NOA1: variants seen among roughly 807,000 people sequenced by gnomAD.
NOA1 encodes nitric oxide associated 1, also known as nitric oxide-associated protein 1.
In NOA1, 35 loss-of-function variants were observed where a neutral mutation model predicts 58.4. That is an observed-to-expected ratio of 0.60 (90% CI 0.46 to 0.79). The LOEUF (loss-of-function observed/expected upper bound fraction) is 0.79, where lower values mean the gene tolerates loss of function less well. Among genes scored for constraint, NOA1 ranks in the 30% least tolerant of loss-of-function variants. The pLI is 0.00. For synonymous variants in NOA1, 397 were observed against 373.4 expected (o/e 1.06, Z -0.73); for missense variants, 895 against 894.6 (o/e 1.00, Z -0.01).
At chr4:56,965,898 A>G (rs1721695230) in intron 5 of NOA1, among the ~76,000 whole-genome samples, 1 of 145,516 alleles carries the variant, frequency 6.9e-6, no homozygotes, top group Middle Eastern at 3.6e-3. Flanking sequence ...GTGCAGTGGC[A>G]TAATCATGGC....
chr4:56,976,242 T>G (rs1019716368), intron 1 of NOA1, among the ~76,000 whole-genome samples, 200 bp downstream of exon 1: 11 of 152,088 alleles, frequency 7.2e-5, no homozygotes, highest in African/African-American at 2.7e-4. Context: ...CCATTGAAAA[T>G]TACTACAACA....
In NOA1 at chr4:56,966,747, GA is replaced by G; in HGVS notation, c.1648-12del. 2 of 1,567,130 alleles carry G rather than the reference GA, an allele frequency of 1.3e-6. No homozygotes were observed. Among genetic ancestry groups the G allele is most frequent in the Non-Finnish European group, 1.8e-6 (2 of 1,138,248 alleles). ...AGCTGACTGATTTCCCTTAAGAAAGGAAGAAGTTATCTGACCTGGTGAAAAA... is the reference window on the plus strand; with the variant it reads ...AGCTGACTGATTTCCCTTAAGAAAGGAGAAGTTATCTGACCTGGTGAAAAA... On this transcript the variant is annotated splice_polypyrimidine_tract_variant and intron_variant, in intron 4 of 6. Coordinates refer to ENST00000264230, the MANE Select transcript of NOA1 (RefSeq NM_032313.4).
Position 56,963,511 on chromosome 4 carries a change from G to A in NOA1, c.2036C>T (p.Thr679Ile), listed in dbSNP as rs1289942788. Residue 679 changes from threonine (T) to isoleucine (I), a missense_variant, in exon 7 of 7, where the codon ACC becomes ATC. Thr to Ile is a moderately conservative substitution (Grantham distance 89, BLOSUM62 -1). Around this residue, in one of 3 missense-constraint regions of NOA1, gnomAD observed 212 missense variants for 221.3 expected, o/e 0.96. Coordinates refer to ENST00000264230, the MANE Select transcript of NOA1 (RefSeq NM_032313.4). ...QRIKKSVAYK[T>I]KKPPSLMYNV... ...GTACATAAGGGAAGGAGGCTTCTTG[G>A]TTTTATAGGCCACACTTTTCTTGAT... 4 of 1,613,810 alleles carry A rather than the reference G, an allele frequency of 2.5e-6. No individual in the cohort carries two copies. The highest frequency in any genetic ancestry group is 1.3e-5 in the African/African-American group (1 of 74,834).
At chr4:56,965,243 T>C (rs1721679559) in intron 5 of NOA1, among the ~76,000 whole-genome samples, 1 of 152,118 alleles carries the variant, frequency 6.6e-6, no homozygotes, top group African/African-American at 2.4e-5. Context: ...CTCAAGGTGA[T>C]CTGCCCACCT....
At chr4:56,974,557 C>G (rs1432085389) in intron 1 of NOA1, among the ~76,000 whole-genome samples, 2 of 151,184 alleles carry the variant, frequency 1.3e-5, no homozygotes, top group Non-Finnish European at 2.9e-5. Context: ...GAGGCTGAGG[C>G]AGGAGAATCG....
chr4:56,971,472 A>T (rs1721810033), intron 3 of NOA1, among the ~76,000 whole-genome samples: 1 of 152,184 alleles, frequency 6.6e-6, no homozygotes. Flanking sequence ...AATAAAATTT[A>T]AAAGGTGTGT....
In NOA1 at chr4:56,968,370, C is replaced by T; in HGVS notation, c.1647+14G>A. The T allele has an allele frequency of 1.2e-6, 2 of 1,606,072 alleles. No homozygotes were observed. Among genetic ancestry groups the T allele is most frequent in the Non-Finnish European group, 1.7e-6 (2 of 1,178,074 alleles). ...ATTTTAAAATCATTTTTTAATAGTACAGACTTTTCTTACCTGCAGGAAATC... is the reference window on the plus strand; with the variant it reads ...ATTTTAAAATCATTTTTTAATAGTATAGACTTTTCTTACCTGCAGGAAATC... On this transcript the variant is annotated intron_variant, in intron 4 of 6. Coordinates refer to ENST00000264230, the MANE Select transcript of NOA1 (RefSeq NM_032313.4).
chr4:56,968,301 G>T, intron 4 of NOA1, 83 bp downstream of exon 4: 3 of 1,337,408 alleles, frequency 2.2e-6, no homozygotes, highest in Non-Finnish European at 2.1e-6. Context: ...TCAACATTTT[G>T]TCAGTCGTGT....
Position 56,977,533 on chromosome 4 carries a change from G to A in NOA1, c.53C>T (p.Ser18Phe), listed in dbSNP as rs1560466882. ...FRLLSLFLRG[S>F]APTAARHGLR... ...GCCATGGCGCGCTGCCGTGGGAGCG[G>A]ATCCACGAAGGAAAAGGCTCAGCAG... Residue 18 changes from serine (S) to phenylalanine (F), a missense_variant, in exon 1 of 7, where the codon TCC becomes TTC. Physicochemically the swap from Ser to Phe is radical, Grantham distance 155. Transcript: ENST00000264230. 6.2e-7 allele frequency: 1 copy of A among 1,612,294 alleles called. No homozygotes were observed. Among genetic ancestry groups the A allele is most frequent in the Admixed American group, 1.7e-5 (1 of 59,740 alleles).
Position 56,977,071 on chromosome 4 carries a change from C to A in NOA1, c.515G>T (p.Gly172Val). Residue 172 changes from glycine (G) to valine (V), a missense_variant, in exon 1 of 7, where the codon GGC becomes GTC. By Grantham distance (109) the Gly-to-Val change is moderately radical. Around this residue, in one of 3 missense-constraint regions of NOA1, gnomAD observed 680 missense variants for 656.5 expected, o/e 1.04. Coordinates refer to ENST00000264230, the MANE Select transcript of NOA1 (RefSeq NM_032313.4). ...EKFLRTAEAD[G>V]GLARTVCQRC... ...CTGGCACACGGTCCGTGCCAGCCCG[C>A]CGTCTGCCTCCGCCGTGCGGAGGAA... 1 of 1,573,226 alleles carries A rather than the reference C, an allele frequency of 6.4e-7. No individual in the cohort carries two copies. The highest frequency in any genetic ancestry group is 1.8e-5 in the Admixed American group (1 of 56,174).
At chr4:56,968,081 C>A (rs1199627166) in intron 4 of NOA1, among the ~76,000 whole-genome samples, 1 of 151,970 alleles carries the variant, frequency 6.6e-6, no homozygotes, top group Non-Finnish European at 1.5e-5. Flanking sequence ...CCACGCCCAG[C>A]TAATTTTTGT....
At position 56,977,003 on chromosome 4, in the gene NOA1, G is replaced by A. The variant is rs1463893054; in HGVS notation, c.583C>T (p.Gln195Ter). The A allele has an allele frequency of 1.9e-6, 3 of 1,593,986 alleles. No homozygotes were observed. Among genetic ancestry groups the A allele is most frequent in the Admixed American group, 1.7e-5 (1 of 59,670 alleles). ...TCCAGGTACTGCTCGCGGCTCACCT[G>A]CAGGCGTAGAGCGCGCCGGTGGTGC... Reference protein sequence around the residue: ...LSHHRRALRLQVSREQYLELV... With the variant: ...LSHHRRALRL Residue 195 changes from glutamine (Q) to a stop codon, truncating the protein, a stop_gained, in exon 1 of 7, where the codon CAG becomes TAG. Coordinates refer to ENST00000264230, the MANE Select transcript of NOA1 (RefSeq NM_032313.4). LOFTEE classifies it high-confidence loss of function.
In NOA1 at chr4:56,977,084, C is replaced by T. The variant is rs768360311; in HGVS notation, c.502G>A (p.Ala168Thr). ...CGTGCCAGCCCGCCGTCTGCCTCCGCCGTGCGGAGGAACTTCTCTCGGGGC... is the reference window on the plus strand; with the variant it reads ...CGTGCCAGCCCGCCGTCTGCCTCCGTCGTGCGGAGGAACTTCTCTCGGGGC... ...YLPREKFLRTAEADGGLARTV... is the reference protein window; with the variant it reads ...YLPREKFLRTTEADGGLARTV... The change falls in exon 1 of 7, where the codon GCG becomes ACG. Residue 168 changes from alanine (A) to threonine (T), a missense_variant. Around this residue, in one of 3 missense-constraint regions of NOA1, gnomAD observed 680 missense variants for 656.5 expected, o/e 1.04. Transcript: ENST00000264230. 18 of 1,571,168 alleles carry T rather than the reference C, an allele frequency of 1.1e-5. No homozygotes were observed. The Middle Eastern group carries it at 5.2e-4, about 46-fold the overall frequency.
At chr4:56,971,545 C>A (rs887684860) in intron 3 of NOA1, among the ~76,000 whole-genome samples, 4 of 152,032 alleles carry the variant, frequency 2.6e-5, no homozygotes, top group Non-Finnish European at 5.9e-5. Flanking sequence ...ATAAGTGTTC[C>A]TGATGAGGCC....
chr4:56,964,480 A>G lies in NOA1; in HGVS notation c.1811T>C (p.Val604Ala). Reference sequence around the variant, plus strand: ...TTCTTTTAACATAATGTCTTCAGCAACAAGAGGAGGAAATCCTGCCATTCG... The same window carrying G: ...TTCTTTTAACATAATGTCTTCAGCAGCAAGAGGAGGAAATCCTGCCATTCG... ...KERMAGFPPL[V>A]AEDIMLKEGL... The change falls in exon 6 of 7, where the codon GTT becomes GCT. Residue 604 changes from valine (V) to alanine (A), a missense_variant. By Grantham distance (64) the Val-to-Ala change is moderately conservative. This residue lies in a region of NOA1 where 212 missense variants were observed against 221.3 expected (regional missense o/e 0.96). Coordinates refer to ENST00000264230, the MANE Select transcript of NOA1 (RefSeq NM_032313.4). The G allele has an allele frequency of 1.2e-6, 2 of 1,614,200 alleles. No individual in the cohort carries two copies. The highest frequency in any genetic ancestry group is 2.2e-5 in the South Asian group (2 of 91,092).
intron 5 of NOA1, among the ~76,000 whole-genome samples, chr4:56,964,913 C>T (rs924189826): frequency 1.3e-5 from 2 of 152,104 alleles, no homozygotes; most frequent in African/African-American, 4.8e-5. Flanking sequence ...GGATTAATGC[C>T]TGGTCTTTAT....
Position 56,966,609 on chromosome 4 carries a change from T to C in NOA1, c.1764+11A>G. The C allele has an allele frequency of 1.3e-6, 2 of 1,510,272 alleles. No individual in the cohort carries two copies. The highest frequency in any genetic ancestry group is 1.4e-5 in the African/African-American group (1 of 72,924). 93.6% of individuals were successfully genotyped at this position (1,510,272 alleles called of 1,614,324 possible). ...TAACCATAACCATGCAATCAAGGCA[T>C]GTTGCCTTACCTGGAGTAACGTATG... On this transcript the variant is annotated intron_variant, in intron 5 of 6. Transcript: ENST00000264230.
intron 1 of NOA1, 87 bp downstream of exon 1, chr4:56,976,355 A>T: frequency 8.4e-7 from 1 of 1,193,148 alleles, no homozygotes; most frequent in Non-Finnish European, 1.2e-6. Flanking sequence ...CGCAGTGGAC[A>T]TTAAGGGAGG....
Position 56,976,479 on chromosome 4 carries a change from G to C in NOA1, c.1107C>G (p.Ser369=), listed in dbSNP as rs1721924509. The stretch of plus-strand genomic sequence containing the variant: ...AGATGGTGGCTCTGTCGATGGCCTC[G>C]GAGCCCTTGGCAGTGCAGTAATCGG... ...LESDYCTAKG[S]EAIDRATISP... Residue 369 remains serine, a synonymous_variant, in exon 1 of 7, where the codon TCC becomes TCG. Transcript: ENST00000264230. The C allele has an allele frequency of 6.2e-7, 1 of 1,613,968 alleles. No homozygotes were observed. Among genetic ancestry groups the C allele is most frequent in the Non-Finnish European group, 8.5e-7 (1 of 1,179,948 alleles).
Sources: allele counts gnomAD v4.1 joint callset (sites outside exome capture counted in the v4.1 genomes callset), GRCh38; gene constraint gnomAD v4.1.1; regional missense constraint gnomAD v4.1.1; transcripts MANE v1.5; gene names NCBI Gene and HGNC (gene_info 2026-07-23, HGNC 2026-07-21).